The following RBFOX2 variants were observed in gnomAD, a reference collection of about 807,000 sequenced individuals.
The protein encoded by RBFOX2 is RNA binding fox-1 homolog 2.
RBFOX2 carries 10 observed loss-of-function variants against 49.1 expected under a neutral mutation model. The ratio of observed to expected loss-of-function variants is 0.20; its 90% CI spans 0.13 to 0.35. RBFOX2 has a LOEUF of 0.35. Among genes scored for constraint, RBFOX2 ranks in the 10% least tolerant of loss-of-function variants. The probability of loss-of-function intolerance (pLI) is 1.00; values close to 1 mark genes in which losing one functional copy is unlikely to be tolerated. For synonymous variants in RBFOX2, 183 were observed against 187.4 expected (o/e 0.98, Z 0.19); for missense variants, 323 against 486.9 (o/e 0.66, Z 3.17).
At chr22:35,908,656 G>T (rs1333637820) in intron 1 of RBFOX2, among the ~76,000 whole-genome samples, 1 of 151,972 alleles carries the variant, frequency 6.6e-6, no homozygotes, top group African/African-American at 2.4e-5. Context: ...TGTATGTTAG[G>T]CTATTATGTA....
rs535418525 is a variant in RBFOX2, at chr22:35,812,376, T to C, written c.28-2372A>G. 2.0e-5 allele frequency among the ~76,000 whole-genome samples: 3 copies of C among 152,306 alleles called. No homozygotes were observed. The South Asian group carries it at 6.2e-4, about 32-fold the overall frequency. On this transcript the variant is annotated intron_variant, in intron 1 of 11. Transcript: ENST00000405409. Reference sequence around the variant, plus strand: ...TCTTCGTCACCCATCACCATATAACTTCTTTACGTTATTTCTAGGTTAGGA... The same window carrying C: ...TCTTCGTCACCCATCACCATATAACCTCTTTACGTTATTTCTAGGTTAGGA...
chr22:35,978,302 G>A (rs947885797), intron 1 of RBFOX2, among the ~76,000 whole-genome samples: 3 of 152,092 alleles, frequency 2.0e-5, no homozygotes, highest in Non-Finnish European at 4.4e-5. Flanking sequence ...CAAACATCAT[G>A]CATGTATATA....
intron 1 of RBFOX2, among the ~76,000 whole-genome samples, chr22:36,006,683 C>A (rs569797382): frequency 1.3e-5 from 2 of 152,172 alleles, no homozygotes; most frequent in Non-Finnish European, 2.9e-5. Context: ...CCCTCCACCC[C>A]AACCTCACTG....
chr22:35,809,776 G>T lies in RBFOX2; in HGVS notation c.252+4C>A. 1 of 1,612,988 alleles carries T rather than the reference G, an allele frequency of 6.2e-7. No homozygotes were observed. Among genetic ancestry groups the T allele is most frequent in the Non-Finnish European group, 8.5e-7 (1 of 1,179,638 alleles). On this transcript the variant is annotated splice_donor_region_variant and intron_variant, in intron 2 of 11. Coordinates refer to ENST00000405409, the Ensembl canonical transcript of RBFOX2. Reference sequence around the variant, plus strand: ...TTCCATTTTTCACCTCATGGTCCACGTACCGTAAGAGATCCATTTTGTGTG... The same window carrying T: ...TTCCATTTTTCACCTCATGGTCCACTTACCGTAAGAGATCCATTTTGTGTG...
intron 1 of RBFOX2, among the ~76,000 whole-genome samples, chr22:35,957,152 A>G (rs2055661736): frequency 1.3e-5 from 2 of 152,196 alleles, no homozygotes; most frequent in African/African-American, 2.4e-5. Context: ...ATGGCTGTGG[A>G]AAGCTAATTC....
At chr22:35,986,200 G>A (rs2057717177) in intron 1 of RBFOX2, among the ~76,000 whole-genome samples, 2 of 152,126 alleles carry the variant, frequency 1.3e-5, no homozygotes, top group African/African-American at 4.8e-5. Flanking sequence ...TGCACACACA[G>A]ACACAGACAC....
At chr22:35,784,796 T>C (rs546829723) in intron 2 of RBFOX2, among the ~76,000 whole-genome samples, 2 of 152,254 alleles carry the variant, frequency 1.3e-5, no homozygotes, top group South Asian at 4.1e-4. Context: ...CCGCAGCTGG[T>C]TGCCGTGAGA....
At chr22:35,972,447 A>T (rs1423427426) in intron 1 of RBFOX2, among the ~76,000 whole-genome samples, 1 of 152,042 alleles carries the variant, frequency 6.6e-6, no homozygotes, top group African/African-American at 2.4e-5. Flanking sequence ...AAAAAAAAAA[A>T]ATGGGACTTA....
rs550673506 is a variant in RBFOX2, at chr22:35,982,818, C to T, written c.187-43921G>A. Among the ~76,000 whole-genome samples the T allele has an allele frequency of 5.9e-5, 9 of 152,040 alleles. No homozygotes were observed. In the South Asian group the frequency reaches 1.9e-3, roughly 32 times the overall value. ...TTTAAAAAAAAAAAAAACCACTAAT[C>T]CTATTTATTAGTGTTATGTCCCAAA... On this transcript the variant is annotated intron_variant, in intron 1 of 13. Transcript: ENST00000438146.
intron 1 of RBFOX2, chr22:35,993,122 A>G (rs937392980): frequency 2.6e-5 from 4 of 151,710 alleles, no homozygotes; most frequent in Admixed American, 2.6e-4. Flanking sequence ...AAGGACATAA[A>G]CAGATGCATA....
intron 2 of RBFOX2, among the ~76,000 whole-genome samples, chr22:35,784,665 C>A (rs1475290573): frequency 1.3e-5 from 2 of 152,268 alleles, no homozygotes; most frequent in African/African-American, 4.8e-5. Flanking sequence ...ATCTCATCCT[C>A]CTTGTGGTTT....
chr22:35,775,772 C>T (rs184265276), intron 4 of RBFOX2, among the ~76,000 whole-genome samples: 357 of 139,034 alleles, frequency 2.6e-3, no homozygotes, highest in African/African-American at 9.2e-3. Context: ...ACCCAGGAGG[C>T]GGAGGTTGCA....
intron 1 of RBFOX2, among the ~76,000 whole-genome samples, chr22:35,911,569 T>C (rs2049835804): frequency 2.6e-5 from 4 of 152,158 alleles, no homozygotes; most frequent in Admixed American, 2.6e-4. Flanking sequence ...AGCCAAAATA[T>C]AAATAAATGT....
At chr22:35,946,536 A>C (rs1484153075) in intron 1 of RBFOX2, among the ~76,000 whole-genome samples, 3 of 152,244 alleles carry the variant, frequency 2.0e-5, no homozygotes, top group Non-Finnish European at 4.4e-5. Context: ...AATATTTAAC[A>C]TATAGGAGAA....
At chr22:35,964,847 C>T (rs1007171601), upstream of RBFOX2, among the ~76,000 whole-genome samples, 4 of 152,002 alleles carry the variant, frequency 2.6e-5, no homozygotes, top group Admixed American at 6.6e-5. Context: ...CTTTTTTACT[C>T]GGAAATTAAG....
intron 9 of RBFOX2, among the ~76,000 whole-genome samples, 169 bp downstream of exon 11, chr22:35,755,936 C>T (rs1336154576): frequency 2.0e-5 from 3 of 150,102 alleles, no homozygotes; most frequent in African/African-American, 4.9e-5. Flanking sequence ...GAGAAGCATG[C>T]TTGCATTCTT....
chr22:35,993,495 C>G (rs933939807), intron 1 of RBFOX2: 2 of 152,180 alleles, frequency 1.3e-5, no homozygotes, highest in Admixed American at 1.3e-4. Flanking sequence ...TAAGTAGATC[C>G]TCCTGCCTCA....
chr22:35,903,981 C>T (rs1344097775), intron 1 of RBFOX2, among the ~76,000 whole-genome samples: 5 of 152,094 alleles, frequency 3.3e-5, no homozygotes, highest in Non-Finnish European at 7.3e-5. Context: ...CTTTAAGGTC[C>T]TATATGACCT....
chr22:36,011,621 C>T (rs2058827089), intron 1 of RBFOX2, among the ~76,000 whole-genome samples: 1 of 152,102 alleles, frequency 6.6e-6, no homozygotes, highest in Non-Finnish European at 1.5e-5. Context: ...TCTAGAAGGA[C>T]ACCCAGATAA....
Sources: allele counts gnomAD v4.1 joint callset (sites outside exome capture counted in the v4.1 genomes callset), GRCh38; gene constraint gnomAD v4.1.1; transcripts MANE v1.5; gene names NCBI Gene and HGNC (gene_info 2026-07-23, HGNC 2026-07-21).